Variants in PCDHA7 observed in about 807,000 individuals in gnomAD.
PCDHA7 encodes the protein protocadherin alpha-7.
A neutral mutation model predicts 57.2 loss-of-function variants in PCDHA7; 37 were observed. That is an observed-to-expected ratio of 0.65 (90% CI 0.50 to 0.85). The LOEUF (loss-of-function observed/expected upper bound fraction) is 0.85. Among genes scored for constraint, PCDHA7 ranks in the 40% least tolerant of loss-of-function variants. The pLI is 0.00. For missense variants in PCDHA7, 1,188 were observed against 1,241.8 expected (o/e 0.96, Z 0.65); for synonymous variants, 553 against 558.8 (o/e 0.99, Z 0.15).
intron 1 of PCDHA7, among the ~76,000 whole-genome samples, chr5:140,904,217 T>C (rs1554191375): frequency 6.6e-6 from 1 of 151,964 alleles, no homozygotes; most frequent in Non-Finnish European, 1.5e-5. Flanking sequence ...CCAAAGTCCA[T>C]TGTATTATAC....
chr5:140,928,411 A>G, intron 1 of PCDHA7: 2 of 1,614,066 alleles, frequency 1.2e-6, no homozygotes, highest in Non-Finnish European at 1.7e-6. Context: ...CAGTGGGGCC[A>G]TCACTGCCAA....
At chr5:140,883,892 G>T in intron 1 of PCDHA7, 3 of 1,613,362 alleles carry the variant, frequency 1.9e-6, no homozygotes, top group Non-Finnish European at 1.7e-6. Context: ...CGACTCTGGC[G>T]TGCCGCCTCT....
At chr5:140,882,971 G>C in intron 1 of PCDHA7, 1 of 1,614,206 alleles carries the variant, frequency 6.2e-7, no homozygotes, top group Non-Finnish European at 8.5e-7. Flanking sequence ...GATTCTGGAC[G>C]TGAATGACAA....
intron 3 of PCDHA7, among the ~76,000 whole-genome samples, chr5:141,007,033 T>C (rs1357363669): frequency 6.6e-6 from 1 of 152,120 alleles, no homozygotes; most frequent in Non-Finnish European, 1.5e-5. Flanking sequence ...GGTATTTATA[T>C]CTATGGATAT....
At chr5:140,905,035 G>C (rs1554191907) in intron 1 of PCDHA7, among the ~76,000 whole-genome samples, 1 of 152,136 alleles carries the variant, frequency 6.6e-6, no homozygotes. Flanking sequence ...AAGCTTTTTA[G>C]TTTAATTAGG....
At chr5:140,843,607 G>C in intron 1 of PCDHA7, 1 of 1,596,080 alleles carries the variant, frequency 6.3e-7, no homozygotes, top group Non-Finnish European at 8.6e-7. Context: ...GCTCTGGTGA[G>C]GGGCCACCGA....
At chr5:140,969,139 C>T (rs1407003944) in intron 1 of PCDHA7, 5 of 1,614,064 alleles carry the variant, frequency 3.1e-6, no homozygotes, top group Non-Finnish European at 4.2e-6. Context: ...CCAAGACCTA[C>T]TGCTACAAGG....
intron 1 of PCDHA7, chr5:140,882,727 A>G (rs1554175345): frequency 6.2e-7 from 1 of 1,614,250 alleles, no homozygotes. Context: ...CTCGATTTCC[A>G]CTAGATGGCG....
At chr5:140,925,189 C>A (rs1488098385) in intron 1 of PCDHA7, among the ~76,000 whole-genome samples, 2 of 152,116 alleles carry the variant, frequency 1.3e-5, no homozygotes, top group African/African-American at 4.8e-5. Flanking sequence ...TACCATCACC[C>A]AGCTTCAATA....
At chr5:140,962,817 G>A (rs555403742) in intron 1 of PCDHA7, among the ~76,000 whole-genome samples, 2 of 152,202 alleles carry the variant, frequency 1.3e-5, no homozygotes, top group South Asian at 4.1e-4. Flanking sequence ...CATCAGAGAT[G>A]ACCATTTGTC....
intron 1 of PCDHA7, chr5:140,856,990 T>C: frequency 6.3e-7 from 1 of 1,595,350 alleles, no homozygotes; most frequent in Non-Finnish European, 8.6e-7. Flanking sequence ...ACAGTAACAC[T>C]TATGAAATTC....
intron 1 of PCDHA7, chr5:140,966,616 G>A: frequency 1.3e-6 from 1 of 788,372 alleles, no homozygotes; most frequent in South Asian, 2.7e-5. Context: ...AGGGCCTACG[G>A]AGGGAGCGGC....
intron 1 of PCDHA7, among the ~76,000 whole-genome samples, chr5:140,950,049 CTATT>C (rs2094445672): frequency 1.3e-5 from 2 of 151,756 alleles, no homozygotes; most frequent in Non-Finnish European, 3.0e-5. Flanking sequence ...CCATATAAGA[CTATT>C]TAGCTCTTCC....
At chr5:140,960,836 AG>A (rs551951864) in intron 1 of PCDHA7, among the ~76,000 whole-genome samples, 345 of 152,342 alleles carry the variant, frequency 2.3e-3, no homozygotes, top group African/African-American at 7.6e-3. Flanking sequence ...AACTTGGAAC[AG>A]GTTTAATGGC....
chr5:140,878,333 G>C (rs947043628), intron 1 of PCDHA7, among the ~76,000 whole-genome samples: 4 of 152,000 alleles, frequency 2.6e-5, no homozygotes, highest in Admixed American at 6.5e-5. Flanking sequence ...TATATTCCAG[G>C]TATTATCACA....
intron 1 of PCDHA7, among the ~76,000 whole-genome samples, chr5:140,898,520 G>A (rs1583310662): frequency 6.6e-6 from 1 of 152,298 alleles, no homozygotes; most frequent in East Asian, 1.9e-4. Context: ...CGTTATTTCT[G>A]AGGGCTCTGT....
chr5:140,933,853 A>AT (rs2089460601), intron 1 of PCDHA7, among the ~76,000 whole-genome samples: 2 of 151,568 alleles, frequency 1.3e-5, no homozygotes, highest in Non-Finnish European at 3.0e-5. Context: ...TGTACCTTTA[A>AT]TTTTTTCAGA....
chr5:140,886,927 G>T (rs1191029252), intron 1 of PCDHA7, among the ~76,000 whole-genome samples: 1 of 151,236 alleles, frequency 6.6e-6, no homozygotes, highest in Non-Finnish European at 1.5e-5. Flanking sequence ...TTCTCTATGT[G>T]CCAGGCATGT....
intron 1 of PCDHA7, chr5:140,882,264 G>C: frequency 6.2e-7 from 1 of 1,609,300 alleles, no homozygotes; most frequent in Non-Finnish European, 8.5e-7. Context: ...TTTTTGGAGT[G>C]TACCATGCTG....
Sources: gnomAD v4.1 joint callset for allele counts (sites outside exome capture counted in the v4.1 genomes callset) on GRCh38, gnomAD v4.1.1 for gene constraint, MANE v1.5 for transcripts, NCBI Gene and HGNC (gene_info 2026-07-23, HGNC 2026-07-21) for gene names.